Variants in FAM216A observed in about 807,000 individuals in gnomAD.
FAM216A encodes the protein protein FAM216A.
In FAM216A, 26 loss-of-function variants were observed where a neutral mutation model predicts 37.6. The observed-to-expected ratio is 0.69, with a 90% CI of 0.51 to 0.96. The LOEUF (loss-of-function observed/expected upper bound fraction) is 0.96, where lower values mean the gene tolerates loss of function less well. FAM216A is among the 40% of genes least tolerant of loss of function. The pLI is 0.00. For missense variants in FAM216A, 326 were observed against 339.3 expected (o/e 0.96, Z 0.31); for synonymous variants, 110 against 121.7 (o/e 0.90, Z 0.64).
chr12:110,480,349 G>A (rs919623772), intron 2 of FAM216A, among the ~76,000 whole-genome samples: 14 of 151,830 alleles, frequency 9.2e-5, no homozygotes, highest in Admixed American at 2.0e-4. Context: ...GACTACAGGC[G>A]CCTGCCACCA....
intron 2 of FAM216A, among the ~76,000 whole-genome samples, chr12:110,473,358 C>T (rs1363742481): frequency 2.0e-5 from 3 of 152,142 alleles, no homozygotes; most frequent in South Asian, 2.1e-4. Flanking sequence ...ACTACAGATG[C>T]GTGCCACCAT....
intron 1 of FAM216A, among the ~76,000 whole-genome samples, chr12:110,470,183 C>T (rs2062675204): frequency 6.6e-6 from 1 of 151,500 alleles, no homozygotes; most frequent in African/African-American, 2.4e-5. Flanking sequence ...ACTGCAAGCT[C>T]CGCCTCCCGG....
At position 110,473,073 on chromosome 12, in the gene FAM216A, A is replaced by G; in HGVS notation, c.144-5A>G. 6.5e-7 allele frequency: 1 copy of G among 1,529,198 alleles called. No homozygotes were observed. Among genetic ancestry groups the G allele is most frequent in the South Asian group, 1.2e-5 (1 of 83,934 alleles). The allele number at this position is 1,529,198 out of a possible 1,614,324, so 94.7% of individuals were successfully genotyped here. A position where few individuals can be genotyped will look rare whatever the true frequency, so the allele number is the denominator to read the frequency against. ...TATTATTTATATGCTTTATTTTTTC[A>G]ACAGATCAGCTGGATACTCTTGTTA... On this transcript the variant is annotated splice_polypyrimidine_tract_variant and splice_region_variant and intron_variant, in intron 1 of 6. Coordinates refer to ENST00000377673, the MANE Select transcript of FAM216A (RefSeq NM_013300.3).
At chr12:110,486,113 G>A (rs1565854009) in intron 3 of FAM216A, among the ~76,000 whole-genome samples, 2 of 152,152 alleles carry the variant, frequency 1.3e-5, no homozygotes, top group Non-Finnish European at 2.9e-5. Flanking sequence ...ACTTCAAAGG[G>A]CATCTGAATC....
chr12:110,468,782 G>C (rs1024395708), upstream of FAM216A: 22 of 1,462,356 alleles, frequency 1.5e-5, no homozygotes, highest in Middle Eastern at 2.2e-4. Context: ...TGTTCGGGCA[G>C]TGTCCGAACG....
chr12:110,486,023 TGA>T (rs930331494), intron 3 of FAM216A, among the ~76,000 whole-genome samples: 3 of 152,218 alleles, frequency 2.0e-5, no homozygotes, highest in African/African-American at 7.2e-5. Flanking sequence ...ATGCCCACAC[TGA>T]GAGGCGCACA....
chr12:110,479,579 C>G (rs978593742), intron 2 of FAM216A, among the ~76,000 whole-genome samples: 1 of 151,480 alleles, frequency 6.6e-6, no homozygotes, highest in Non-Finnish European at 1.5e-5. Context: ...TGGCTCACGC[C>G]TGTAATTCCA....
In FAM216A at chr12:110,469,025, T is replaced by TTGGGGGCCCCGGGGTAAGGGTGGCAGCA. The variant is rs2062660816; in HGVS notation, c.143+13_143+40dup. 2.1e-6 allele frequency: 3 copies of TTGGGGGCCCCGGGGTAAGGGTGGCAGCA among 1,460,804 alleles called. No homozygotes were observed. The East Asian group carries it at 8.1e-5, about 39-fold the overall frequency. The allele number at this position is 1,460,804 out of a possible 1,614,324, so 90.5% of individuals were successfully genotyped here. On this transcript the variant is annotated splice_region_variant and intron_variant, in intron 1 of 6. Transcript: ENST00000377673. ...CCGAGGGTGGCGGCGGCGGGTGAGG[T>TTGGGGGCCCCGGGGTAAGGGTGGCAGCA]TGGGGGCCCCGGGGTAAGGGTGGCA...
intron 2 of FAM216A, among the ~76,000 whole-genome samples, chr12:110,484,239 A>C (rs978678016): frequency 1.1e-4 from 16 of 151,994 alleles, no homozygotes; most frequent in Non-Finnish European, 1.9e-4. Context: ...CATCCTGGCT[A>C]ACACGGTGAA....
rs146368046 is a variant in FAM216A at position 110,486,558 on chromosome 12, G to T, written c.461G>T (p.Arg154Leu). The T allele has an allele frequency of 1.2e-6, 2 of 1,613,624 alleles. No individual in the cohort carries two copies. The highest frequency in any genetic ancestry group is 8.5e-7 in the Non-Finnish European group (1 of 1,179,814). Residue 154 changes from arginine to leucine, a missense_variant, in exon 5 of 7, where the codon CGC becomes CTC. Arg to Leu is a moderately radical substitution (Grantham distance 102). Transcript: ENST00000377673. ...KPGVLTHHRS[R>L]LSSRYSQKQH... Reference sequence around the variant, plus strand: ...GGTGTCCTCACTCATCACAGAAGCCGCCTTAGCTCCCGTTACTCACAGAAA... The same window carrying T: ...GGTGTCCTCACTCATCACAGAAGCCTCCTTAGCTCCCGTTACTCACAGAAA...
chr12:110,474,469 C>T (rs1488003225), intron 2 of FAM216A, among the ~76,000 whole-genome samples: 1 of 151,856 alleles, frequency 6.6e-6, no homozygotes, highest in Non-Finnish European at 1.5e-5. Context: ...GTAGGTGGAT[C>T]ACCTGAGGTC....
chr12:110,481,242 CTGTT>C (rs561783149), intron 2 of FAM216A, among the ~76,000 whole-genome samples: 3 of 152,168 alleles, frequency 2.0e-5, no homozygotes, highest in South Asian at 4.1e-4. Context: ...GATAAATAAT[CTGTT>C]TGAGTCCCTG....
Position 110,490,079 on chromosome 12 carries a change from A to G in FAM216A, c.764A>G (p.Asn255Ser). 6.4e-7 allele frequency: 1 copy of G among 1,573,866 alleles called. No homozygotes were observed. The highest frequency in any genetic ancestry group is 8.7e-7 in the Non-Finnish European group (1 of 1,143,518). Residue 255 changes from asparagine (N) to serine (S), a missense_variant, in exon 7 of 7, where the codon AAT becomes AGT. Asn to Ser is a conservative substitution (Grantham distance 46). Coordinates refer to ENST00000377673, the MANE Select transcript of FAM216A (RefSeq NM_013300.3). ...SEEKKEEDLL[N>S]NFMQSMSIEE... ...GAAAAAAAGGAAGAAGATTTACTAA[A>G]TAATTTTATGCAATCAATGTCAATT...
chr12:110,480,853 A>C (rs1030268797), intron 2 of FAM216A, among the ~76,000 whole-genome samples: 1 of 152,184 alleles, frequency 6.6e-6, no homozygotes, highest in Non-Finnish European at 1.5e-5. Flanking sequence ...CCTGGGCAAC[A>C]TAAAATTAAC....
intron 2 of FAM216A, among the ~76,000 whole-genome samples, chr12:110,481,528 G>T (rs866686842): frequency 6.2e-4 from 86 of 138,874 alleles, no homozygotes; most frequent in African/African-American, 1.9e-3. Context: ...TGTGTGTGTG[G>T]TTTTTTTTTT....
intron 2 of FAM216A, among the ~76,000 whole-genome samples, chr12:110,484,426 CAAAAAAAAAAAAAAA>C (rs61648841): frequency 2.0e-5 from 1 of 51,274 alleles, no homozygotes; most frequent in South Asian, 1.1e-3. Context: ...GACTCCGTCT[CAAAAAAAAAAAAAAA>C]AAAAAAAAAA....
intron 6 of FAM216A, 112 bp from the exon 7 acceptor site, chr12:110,489,907 G>C: frequency 1.7e-6 from 1 of 604,500 alleles, no homozygotes; most frequent in East Asian, 2.8e-5. Context: ...CTTGAAAATT[G>C]CAGGCAATTT....
rs142309342 is a variant in FAM216A at position 110,487,877 on chromosome 12, G to A, written c.637G>A (p.Ala213Thr). The A allele has an allele frequency of 3.8e-6, 6 of 1,599,852 alleles. No individual in the cohort carries two copies. The highest frequency in any genetic ancestry group is 5.1e-6 in the Non-Finnish European group (6 of 1,168,746). Residue 213 changes from alanine to threonine, a missense_variant, in exon 6 of 7, where the codon GCA becomes ACA. Physicochemically the swap from Ala to Thr is moderately conservative, Grantham distance 58. Transcript: ENST00000377673. ...RNKEGIKTGY[A>T]SKTRCKSLKI... is the part of the protein sequence containing the mutation. Reference sequence around the variant, plus strand: ...TTCTTATAGGATAAAAACTGGATATGCATCTAAAACAAGATGTAAGTCACT... The same window carrying A: ...TTCTTATAGGATAAAAACTGGATATACATCTAAAACAAGATGTAAGTCACT...
At chr12:110,479,992 T>C (rs1474385810) in intron 2 of FAM216A, among the ~76,000 whole-genome samples, 1 of 151,836 alleles carries the variant, frequency 6.6e-6, no homozygotes, top group African/African-American at 2.4e-5. Context: ...TTATTTGTGG[T>C]AAAATATACA....
Sources: gnomAD v4.1 joint callset for allele counts (sites outside exome capture counted in the v4.1 genomes callset) on GRCh38, gnomAD v4.1.1 for gene constraint, MANE v1.5 for transcripts, NCBI Gene and HGNC (gene_info 2026-07-23, HGNC 2026-07-21) for gene names.